IDO2: variants seen among roughly 807,000 people sequenced by gnomAD.
The protein encoded by IDO2 is indoleamine 2,3-dioxygenase 2.
IDO2 carries 46 observed loss-of-function variants against 45.1 expected under a neutral mutation model. The ratio of observed to expected loss-of-function variants is 1.02; its 90% CI spans 0.80 to 1.30. IDO2 has a LOEUF of 1.30. Ranked by LOEUF, IDO2 falls within the 50% of genes most tolerant of loss-of-function variation. IDO2 has a pLI of 0.00. For synonymous variants in IDO2, 218 were observed against 184.9 expected (o/e 1.18, Z -1.45); for missense variants, 544 against 491.8 (o/e 1.11, Z -1.00).
chr8:39,999,899 G>A (rs1802108456), intron 8 of IDO2, among the ~76,000 whole-genome samples: 1 of 152,218 alleles, frequency 6.6e-6, no homozygotes. Context: ...GTGACCATGG[G>A]ATACTTTTGG....
intron 3 of IDO2, among the ~76,000 whole-genome samples, chr8:39,966,297 G>A (rs1171502833): frequency 1.3e-5 from 2 of 152,238 alleles, no homozygotes; most frequent in East Asian, 1.9e-4. Context: ...AAAGCCCTGG[G>A]ATTACAGGCC....
intron 3 of IDO2, among the ~76,000 whole-genome samples, chr8:39,969,672 C>T (rs996712901): frequency 6.6e-6 from 1 of 152,104 alleles, no homozygotes; most frequent in African/African-American, 2.4e-5. Flanking sequence ...TTCAGGACTT[C>T]GAGACCAGCC....
chr8:39,985,053 T>C, intron 5 of IDO2: 1 of 319,890 alleles, frequency 3.1e-6, no homozygotes, highest in Non-Finnish European at 5.9e-6. Flanking sequence ...TGCCTCAGCC[T>C]CCTGAGTAGC....
At chr8:40,008,839 A>G (rs1191716906) in intron 9 of IDO2, among the ~76,000 whole-genome samples, 1 of 152,180 alleles carries the variant, frequency 6.6e-6, no homozygotes, top group South Asian at 2.1e-4. Flanking sequence ...TCTTACCCTC[A>G]AAATATTTCC....
chr8:39,958,560 C>G (rs1292142573), intron 2 of IDO2, among the ~76,000 whole-genome samples: 1 of 152,184 alleles, frequency 6.6e-6, no homozygotes, highest in African/African-American at 2.4e-5. Flanking sequence ...CCACATCAAA[C>G]TAATTTTTGT....
At chr8:40,015,637 A>C in exon 11 of IDO2, 3 of 1,482,762 alleles carry the variant, frequency 2.0e-6, no homozygotes, top group Non-Finnish European at 2.8e-6. Context: ...CAGAGCCCCC[A>C]TGGAGGGCAG....
intron 8 of IDO2, among the ~76,000 whole-genome samples, chr8:40,000,269 G>T (rs1025492026): frequency 1.3e-5 from 2 of 151,998 alleles, no homozygotes; most frequent in Non-Finnish European, 2.9e-5. Context: ...AAAACTAGCT[G>T]GGCGTAGTGG....
exon 3 of IDO2, chr8:39,963,635 T>C: frequency 6.2e-7 from 1 of 1,610,962 alleles, no homozygotes; most frequent in Non-Finnish European, 8.5e-7. Flanking sequence ...TTATAGGCCT[T>C]GGATGGAAAT....
At chr8:39,949,359 C>A in intron 2 of IDO2, 95 bp downstream of exon 2, 4 of 837,692 alleles carry the variant, frequency 4.8e-6, no homozygotes, top group Non-Finnish European at 5.5e-6. Context: ...ATTAAGAGAC[C>A]AATATAAATA....
At chr8:40,006,382 G>A (rs1802221133) in intron 9 of IDO2, among the ~76,000 whole-genome samples, 1 of 152,156 alleles carries the variant, frequency 6.6e-6, no homozygotes, top group African/African-American at 2.4e-5. Flanking sequence ...AGGGCAGCTA[G>A]GCTAAGCTAA....
intron 2 of IDO2, among the ~76,000 whole-genome samples, chr8:39,952,793 A>G (rs1027415216): frequency 1.3e-5 from 2 of 148,516 alleles, no homozygotes; most frequent in African/African-American, 5.0e-5. Context: ...TTTTTTTTTG[A>G]GATGGCGTCT....
intron 8 of IDO2, chr8:39,995,188 T>TC (rs1802016219): frequency 1.2e-5 from 1 of 80,998 alleles, no homozygotes; most frequent in East Asian, 3.7e-4. Context: ...TCCTTCTTCT[T>TC]CTTCTTCTTC....
exon 4 of IDO2, chr8:39,979,148 G>T: frequency 6.2e-7 from 1 of 1,601,114 alleles, no homozygotes; most frequent in Non-Finnish European, 8.5e-7. Context: ...CCTCACCATG[G>T]GTTATGTCTG....
intron 9 of IDO2, among the ~76,000 whole-genome samples, chr8:40,008,343 G>C (rs1802253753): frequency 6.6e-6 from 1 of 152,130 alleles, no homozygotes; most frequent in Non-Finnish European, 1.5e-5. Flanking sequence ...ATCATGCCCA[G>C]CCAGCACTGA....
At chr8:39,939,894 G>A (rs1414505262) in intron 1 of IDO2, among the ~76,000 whole-genome samples, 1 of 152,050 alleles carries the variant, frequency 6.6e-6, no homozygotes, top group African/African-American at 2.4e-5. Flanking sequence ...AAGTAAATGA[G>A]GTCCTAAAAA....
At chr8:39,967,660 G>T (rs1054811512) in intron 3 of IDO2, among the ~76,000 whole-genome samples, 1 of 152,026 alleles carries the variant, frequency 6.6e-6, no homozygotes, top group African/African-American at 2.4e-5. Flanking sequence ...GCTAATTTTT[G>T]TATTTTTATT....
intron 3 of IDO2, among the ~76,000 whole-genome samples, chr8:39,968,080 A>AAAC (rs1715774718): frequency 6.8e-6 from 1 of 146,864 alleles, no homozygotes; most frequent in African/African-American, 2.4e-5. Flanking sequence ...ATAATCACCA[A>AAAC]AAAAAAAAAA....
At chr8:39,960,361 G>A (rs1056651653) in intron 2 of IDO2, among the ~76,000 whole-genome samples, 1 of 151,952 alleles carries the variant, frequency 6.6e-6, no homozygotes, top group Non-Finnish European at 1.5e-5. Flanking sequence ...TTCCATTCTG[G>A]CTCTCTCTCT....
At chr8:40,006,569 C>A (rs1337883404) in intron 9 of IDO2, among the ~76,000 whole-genome samples, 1 of 152,134 alleles carries the variant, frequency 6.6e-6, no homozygotes, top group African/African-American at 2.4e-5. Flanking sequence ...TACCCCAAAC[C>A]ATTTTTTTCA....
Sources: gnomAD v4.1 joint callset for allele counts (sites outside exome capture counted in the v4.1 genomes callset) on GRCh38, gnomAD v4.1.1 for gene constraint, MANE v1.5 for transcripts, NCBI Gene and HGNC (gene_info 2026-07-23, HGNC 2026-07-21) for gene names.